Variants in NPAS3 observed in about 807,000 individuals in gnomAD.
The protein encoded by NPAS3 is neuronal PAS domain protein 3.
NPAS3 carries 14 observed loss-of-function variants against 73.1 expected under a neutral mutation model. That is an observed-to-expected ratio of 0.19 (90% CI 0.13 to 0.30). The LOEUF is 0.30. Among genes scored for constraint, NPAS3 ranks in the 10% least tolerant of loss-of-function variants. NPAS3 has a pLI of 1.00. For synonymous variants in NPAS3, 620 were observed against 541.5 expected (o/e 1.14, Z -2.01); for missense variants, 1,096 against 1,250.0 (o/e 0.88, Z 1.86).
chr14:33,557,282 C>A (rs759475333), intron 4 of NPAS3, among the ~76,000 whole-genome samples: 1 of 152,110 alleles, frequency 6.6e-6, no homozygotes, highest in African/African-American at 2.4e-5. Context: ...TATTTTATTC[C>A]CAAAAGCTGG....
intron 3 of NPAS3, among the ~76,000 whole-genome samples, chr14:33,333,878 G>C (rs2044096957): frequency 6.6e-6 from 1 of 152,110 alleles, no homozygotes; most frequent in African/African-American, 2.4e-5. Flanking sequence ...ATAAGTAAAG[G>C]AGTTTTGAAG....
intron 2 of NPAS3, among the ~76,000 whole-genome samples, chr14:33,197,402 T>C (rs756882742): frequency 1.3e-5 from 2 of 152,098 alleles, no homozygotes; most frequent in Non-Finnish European, 2.9e-5. Flanking sequence ...GGTGCCATTC[T>C]GATCAATTTC....
At chr14:33,470,933 T>TTA (rs568876022) in intron 4 of NPAS3, among the ~76,000 whole-genome samples, 4 of 140,838 alleles carry the variant, frequency 2.8e-5, no homozygotes, top group Non-Finnish European at 6.2e-5. Flanking sequence ...AGAGCATATT[T>TTA]AAAAAAAAAA....
intron 1 of NPAS3, among the ~76,000 whole-genome samples, chr14:33,010,249 A>G (rs2039143620): frequency 6.6e-6 from 1 of 152,178 alleles, no homozygotes; most frequent in Admixed American, 6.5e-5. Context: ...AGGGTGGAGA[A>G]CGTCCCTACA....
chr14:33,483,437 A>G (rs898040833), intron 4 of NPAS3, among the ~76,000 whole-genome samples: 2 of 152,168 alleles, frequency 1.3e-5, no homozygotes, highest in African/African-American at 2.4e-5. Flanking sequence ...ATCTATCCGG[A>G]GCAAGAGAAC....
At chr14:33,781,063 T>C (rs2062964376) in intron 9 of NPAS3, among the ~76,000 whole-genome samples, 1 of 152,202 alleles carries the variant, frequency 6.6e-6, no homozygotes, top group South Asian at 2.1e-4. Flanking sequence ...ACACTTCACA[T>C]ATTTAGCTAT....
intron 3 of NPAS3, among the ~76,000 whole-genome samples, chr14:33,249,960 G>A (rs918283759): frequency 6.6e-6 from 1 of 151,078 alleles, no homozygotes; most frequent in East Asian, 1.9e-4. Flanking sequence ...ATATAAAATT[G>A]TTACTGTTCG....
intron 2 of NPAS3, among the ~76,000 whole-genome samples, chr14:33,201,312 T>C (rs1435443389): frequency 2.0e-5 from 3 of 152,184 alleles, no homozygotes; most frequent in African/African-American, 7.2e-5. Flanking sequence ...TGTGTGTGTG[T>C]GTGTATGTTT....
At chr14:33,724,509 C>A (rs1048114125) in intron 6 of NPAS3, among the ~76,000 whole-genome samples, 1 of 152,116 alleles carries the variant, frequency 6.6e-6, no homozygotes. Context: ...TGGCGCCCAC[C>A]TGTAGTCCCA....
At chr14:33,182,408 C>T (rs893540904) in intron 2 of NPAS3, among the ~76,000 whole-genome samples, 12 of 152,126 alleles carry the variant, frequency 7.9e-5, no homozygotes, top group African/African-American at 2.7e-4. Flanking sequence ...AGCAATATCT[C>T]ATAGCATAAT....
chr14:33,738,806 G>A (rs1227645164), intron 7 of NPAS3, among the ~76,000 whole-genome samples: 1 of 152,192 alleles, frequency 6.6e-6, no homozygotes, highest in African/African-American at 2.4e-5. Context: ...GCATAGCACA[G>A]CTCTCATTTA....
At chr14:33,704,254 TATA>T (rs2060599650) in intron 6 of NPAS3, among the ~76,000 whole-genome samples, 1 of 152,268 alleles carries the variant, frequency 6.6e-6, no homozygotes, top group African/African-American at 2.4e-5. Flanking sequence ...ACATATAAAT[TATA>T]ATGTGTGTGT....
intron 4 of NPAS3, among the ~76,000 whole-genome samples, chr14:33,544,779 G>GGCATGTATGTGTTTATA (rs1555409851): frequency 1.1e-5 from 1 of 94,376 alleles, no homozygotes; most frequent in Non-Finnish European, 1.9e-5. Context: ...ATGTGTTTAT[G>GGCATGTATGTGTTTATA]TGTGTGTATT....
intron 6 of NPAS3, among the ~76,000 whole-genome samples, chr14:33,727,052 G>C (rs1184865062): frequency 6.6e-6 from 1 of 152,106 alleles, no homozygotes; most frequent in African/African-American, 2.4e-5. Context: ...ATGTGTGTGT[G>C]TTTGCAAGTG....
intron 6 of NPAS3, among the ~76,000 whole-genome samples, chr14:33,699,665 A>G (rs1480708344): frequency 6.6e-6 from 1 of 152,088 alleles, no homozygotes; most frequent in East Asian, 1.9e-4. Context: ...CAGATTTGGG[A>G]TTTTTCTCCA....
At chr14:33,574,444 G>A (rs747186315) in intron 5 of NPAS3, among the ~76,000 whole-genome samples, 6 of 152,140 alleles carry the variant, frequency 3.9e-5, no homozygotes, top group South Asian at 4.1e-4. Context: ...AAAGATTTCC[G>A]TGATTTGACT....
chr14:33,306,348 C>A (rs2042753703), intron 3 of NPAS3, among the ~76,000 whole-genome samples: 1 of 152,162 alleles, frequency 6.6e-6, no homozygotes, highest in Non-Finnish European at 1.5e-5. Context: ...CAGTATTTAA[C>A]ATTTAATGGA....
chr14:33,614,401 G>T (rs956455544), intron 5 of NPAS3, among the ~76,000 whole-genome samples: 4 of 151,786 alleles, frequency 2.6e-5, no homozygotes, highest in African/African-American at 9.7e-5. Context: ...AATATTGGTG[G>T]AGAGAGATGA....
At chr14:33,743,758 A>G (rs908930199) in intron 7 of NPAS3, among the ~76,000 whole-genome samples, 2 of 152,232 alleles carry the variant, frequency 1.3e-5, no homozygotes, top group Admixed American at 6.5e-5. Context: ...AGTTACCTTC[A>G]TCAATGATCT....
Sources: allele counts gnomAD v4.1 joint callset (sites outside exome capture counted in the v4.1 genomes callset), GRCh38; gene constraint gnomAD v4.1.1; transcripts MANE v1.5; gene names NCBI Gene and HGNC (gene_info 2026-07-23, HGNC 2026-07-21).